Variants in MMP26 observed in about 807,000 individuals in gnomAD.
MMP26 encodes the protein matrix metalloproteinase-26.
MMP26 carries 33 observed loss-of-function variants against 31.0 expected under a neutral mutation model. The ratio of observed to expected loss-of-function variants is 1.06; its 90% CI spans 0.81 to 1.42. The LOEUF (loss-of-function observed/expected upper bound fraction) is 1.42. MMP26 is among the 40% of genes most tolerant of loss of function. The pLI is 0.00. For synonymous variants in MMP26, 122 were observed against 114.9 expected (o/e 1.06, Z -0.40); for missense variants, 347 against 316.1 (o/e 1.10, Z -0.74).
At chr11:4,707,078 C>G (rs1847790478) in intron 1 of MMP26, among the ~76,000 whole-genome samples, 1 of 152,292 alleles carries the variant, frequency 6.6e-6, no homozygotes, top group East Asian at 1.9e-4. Flanking sequence ...GATTTCCTTT[C>G]CTTTGGATAT....
chr11:4,973,817 T>C (rs1846699653), intron 2 of MMP26: 2 of 152,910 alleles, frequency 1.3e-5, no homozygotes, highest in Non-Finnish European at 2.9e-5. Flanking sequence ...ATTGGCATGC[T>C]CCAAACCTGG....
At chr11:4,820,835 T>C in intron 2 of MMP26, among the ~76,000 whole-genome samples, 1 of 152,196 alleles carries the variant, frequency 6.6e-6, no homozygotes, top group Admixed American at 6.5e-5. Flanking sequence ...ATAATGCATA[T>C]AAAATGTCAA....
intron 2 of MMP26, among the ~76,000 whole-genome samples, chr11:4,897,709 T>G: frequency 6.6e-6 from 1 of 151,782 alleles, no homozygotes; most frequent in South Asian, 2.1e-4. Flanking sequence ...TACGAATCCT[T>G]AACTTATTAA....
chr11:4,816,604 A>G (rs965447031), intron 2 of MMP26, among the ~76,000 whole-genome samples: 2 of 150,122 alleles, frequency 1.3e-5, no homozygotes, highest in Admixed American at 6.7e-5. Flanking sequence ...CCAGAAAACT[A>G]TGGTCCAAAA....
intron 1 of MMP26, among the ~76,000 whole-genome samples, chr11:4,760,884 T>A (rs1848562222): frequency 6.6e-6 from 1 of 152,230 alleles, no homozygotes; most frequent in South Asian, 2.1e-4. Flanking sequence ...TGTGTGCCAG[T>A]GACTGTATTT....
At chr11:4,811,948 T>G (rs918093534) in intron 2 of MMP26, among the ~76,000 whole-genome samples, 1 of 152,164 alleles carries the variant, frequency 6.6e-6, no homozygotes, top group Non-Finnish European at 1.5e-5. Context: ...CTGGTACCTC[T>G]CCAGGATGCA....
intron 2 of MMP26, among the ~76,000 whole-genome samples, chr11:4,842,572 A>G (rs929938079): frequency 1.9e-4 from 29 of 152,196 alleles, no homozygotes; most frequent in African/African-American, 6.8e-4. Flanking sequence ...ACTCACTATC[A>G]TGAGAACAGC....
At chr11:4,797,730 G>A (rs1048057170) in intron 2 of MMP26, among the ~76,000 whole-genome samples, 1 of 152,134 alleles carries the variant, frequency 6.6e-6, no homozygotes, top group African/African-American at 2.4e-5. Context: ...TTTCCCTTAG[G>A]TACAGTTTTG....
chr11:4,960,325 AT>A lies in MMP26; in HGVS notation c.-144-27731del, dbSNP rs71050442. 3.7e-3 allele frequency among the ~76,000 whole-genome samples: 557 copies of A among 148,818 alleles called. 1 individual carries two copies. The highest frequency in any genetic ancestry group is 0.012 in the African/African-American group (502 of 40,564). On this transcript the variant is annotated intron_variant, in intron 2 of 7. Coordinates refer to ENST00000380390, the MANE Select transcript of MMP26 (RefSeq NM_021801.5). Reference sequence around the variant, plus strand: ...AAAATGCCTGTGTGCTATGTGCCTGATTTTTTTTTTTTCTGTAATGTTAGTT... The same window carrying A: ...AAAATGCCTGTGTGCTATGTGCCTGATTTTTTTTTTTCTGTAATGTTAGTT...
intron 2 of MMP26, among the ~76,000 whole-genome samples, chr11:4,817,161 T>C (rs1849432866): frequency 6.6e-6 from 1 of 152,180 alleles, no homozygotes; most frequent in South Asian, 2.1e-4. Flanking sequence ...AGATTGTATG[T>C]ACATTTTTAT....
intron 1 of MMP26, chr11:4,710,146 A>G (rs1265677427): frequency 2.6e-5 from 12 of 456,662 alleles, no homozygotes; most frequent in Non-Finnish European, 5.3e-5. Flanking sequence ...TCATGCACAG[A>G]CACATGGATC....
At chr11:4,798,007 T>C (rs1174872208) in intron 2 of MMP26, among the ~76,000 whole-genome samples, 1 of 152,242 alleles carries the variant, frequency 6.6e-6, no homozygotes, top group Admixed American at 6.5e-5. Context: ...GATGATTACA[T>C]TGACTTCACA....
chr11:4,849,354 A>G, intron 2 of MMP26: 1 of 751,488 alleles, frequency 1.3e-6, no homozygotes, highest in Admixed American at 2.8e-5. Flanking sequence ...GTACACATAT[A>G]CACATTTCCT....
intron 2 of MMP26, among the ~76,000 whole-genome samples, chr11:4,956,029 TG>T (rs1233213718): frequency 6.6e-6 from 1 of 152,210 alleles, no homozygotes; most frequent in Non-Finnish European, 1.5e-5. Context: ...TTATTTTTCC[TG>T]TAAAATATGA....
In MMP26 at chr11:4,758,670, T is replaced by A. The variant is rs551119892; in HGVS notation, c.-216-8600T>A. On this transcript the variant is annotated intron_variant, in intron 1 of 7. Coordinates refer to ENST00000380390, the MANE Select transcript of MMP26 (RefSeq NM_021801.5). ...TATAAACTGTAGAGGTAAACATTGATGTATTTGATTTGGTAAAATTCAAAT... is the reference window on the plus strand; with the variant it reads ...TATAAACTGTAGAGGTAAACATTGAAGTATTTGATTTGGTAAAATTCAAAT... 9.2e-5 allele frequency among the ~76,000 whole-genome samples: 14 copies of A among 152,268 alleles called. No individual in the cohort carries two copies. The East Asian group carries it at 2.7e-3, about 29-fold the overall frequency.
At chr11:4,887,973 A>T (rs1325426402) in intron 2 of MMP26, among the ~76,000 whole-genome samples, 1 of 152,074 alleles carries the variant, frequency 6.6e-6, no homozygotes, top group Non-Finnish European at 1.5e-5. Flanking sequence ...TCTAGTCAGG[A>T]TCAACTATCA....
intron 2 of MMP26, among the ~76,000 whole-genome samples, chr11:4,889,398 TGTTCAG>T (rs1224615954): frequency 2.3e-3 from 351 of 152,334 alleles, no homozygotes; most frequent in African/African-American, 8.0e-3. Context: ...ATTATCTACA[TGTTCAG>T]TACAGATGCA....
intron 2 of MMP26, chr11:4,914,860 G>A: frequency 6.2e-7 from 1 of 1,614,094 alleles, no homozygotes; most frequent in Non-Finnish European, 8.5e-7. Flanking sequence ...GCTTTCCAAA[G>A]CGATGGATGA....
chr11:4,888,941 C>T (rs909680784), intron 2 of MMP26, among the ~76,000 whole-genome samples: 2 of 152,158 alleles, frequency 1.3e-5, no homozygotes, highest in African/African-American at 4.8e-5. Context: ...ATCTTCAGCT[C>T]CTTGGTATTC....
Sources: gnomAD v4.1 joint callset for allele counts (sites outside exome capture counted in the v4.1 genomes callset) on GRCh38, gnomAD v4.1.1 for gene constraint, MANE v1.5 for transcripts, NCBI Gene and HGNC (gene_info 2026-07-23, HGNC 2026-07-21) for gene names.